Variants in FSTL5 observed in about 807,000 individuals in gnomAD.
The protein encoded by FSTL5 is follistatin-related protein 5.
FSTL5 carries 62 observed loss-of-function variants against 89.1 expected under a neutral mutation model. That is an observed-to-expected ratio of 0.70 (90% confidence interval 0.57 to 0.86). The LOEUF is 0.86. Among genes scored for constraint, FSTL5 ranks in the 40% least tolerant of loss-of-function variants. The pLI is 0.00. For missense variants in FSTL5, 1,057 were observed against 1,001.6 expected (o/e 1.06, Z -0.75); for synonymous variants, 383 against 346.2 (o/e 1.11, Z -1.18).
intron 15 of FSTL5, among the ~76,000 whole-genome samples, chr4:161,388,949 T>C (rs187572528): frequency 2.6e-4 from 40 of 152,242 alleles, no homozygotes; most frequent in African/African-American, 8.7e-4. Flanking sequence ...CAGTTAAAAA[T>C]GCAGAAGATC....
chr4:161,407,755 T>A (rs543306133), intron 15 of FSTL5, among the ~76,000 whole-genome samples: 100 of 127,830 alleles, frequency 7.8e-4, no homozygotes, highest in Non-Finnish European at 1.5e-3. Flanking sequence ...CAGGCCCACC[T>A]ACCCTACAGC....
intron 3 of FSTL5, among the ~76,000 whole-genome samples, chr4:161,995,153 G>T (rs1341536097): frequency 6.6e-6 from 1 of 152,068 alleles, no homozygotes; most frequent in Non-Finnish European, 1.5e-5. Context: ...TAGAATGCAA[G>T]TTTATGGAGG....
At chr4:162,074,268 G>A (rs994042390) in intron 2 of FSTL5, among the ~76,000 whole-genome samples, 11 of 151,504 alleles carry the variant, frequency 7.3e-5, no homozygotes, top group Non-Finnish European at 1.3e-4. Flanking sequence ...GTATAATCAT[G>A]GATATGCATT....
chr4:161,844,940 TA>T (rs1332649286), intron 4 of FSTL5, among the ~76,000 whole-genome samples: 1 of 151,322 alleles, frequency 6.6e-6, no homozygotes, highest in Admixed American at 6.6e-5. Flanking sequence ...ATAATAATAA[TA>T]AAAAAACTAC....
At chr4:161,647,798 G>C (rs989139889) in intron 7 of FSTL5, among the ~76,000 whole-genome samples, 5 of 152,074 alleles carry the variant, frequency 3.3e-5, no homozygotes, top group Non-Finnish European at 7.4e-5. Flanking sequence ...GTGAGGACAG[G>C]CATTTTTGTT....
chr4:161,640,596 A>C (rs1288060546), intron 7 of FSTL5, among the ~76,000 whole-genome samples: 1 of 152,196 alleles, frequency 6.6e-6, no homozygotes, highest in Non-Finnish European at 1.5e-5. Flanking sequence ...AACCTAAGAT[A>C]GTAGTAAATC....
At chr4:161,946,743 T>C (rs1578883001) in intron 3 of FSTL5, among the ~76,000 whole-genome samples, 1 of 152,192 alleles carries the variant, frequency 6.6e-6, no homozygotes, top group East Asian at 1.9e-4. Context: ...TATGTTCTCA[T>C]TATTCTTGTG....
chr4:161,769,259 T>C (rs1741125582), intron 5 of FSTL5, among the ~76,000 whole-genome samples: 2 of 151,882 alleles, frequency 1.3e-5, no homozygotes, highest in South Asian at 4.1e-4. Flanking sequence ...TTACTAAACA[T>C]TTAAAGAACT....
intron 6 of FSTL5, among the ~76,000 whole-genome samples, chr4:161,734,669 CA>C (rs1312684177): frequency 6.6e-6 from 1 of 152,030 alleles, no homozygotes; most frequent in African/African-American, 2.4e-5. Context: ...ACAAAATAAA[CA>C]AAAAACAAAA....
At chr4:162,071,937 A>C (rs1729641740) in intron 2 of FSTL5, among the ~76,000 whole-genome samples, 1 of 151,814 alleles carries the variant, frequency 6.6e-6, no homozygotes, top group Non-Finnish European at 1.5e-5. Context: ...AAAATAAAAA[A>C]TTCCTTAATA....
intron 2 of FSTL5, among the ~76,000 whole-genome samples, chr4:162,066,350 CT>C: frequency 1.5e-5 from 2 of 131,098 alleles, no homozygotes; most frequent in African/African-American, 6.0e-5. Context: ...TCTTCTTCTT[CT>C]TCTCCTTCTT....
chr4:161,886,765 A>T (rs1393815683), intron 4 of FSTL5, among the ~76,000 whole-genome samples: 1 of 152,194 alleles, frequency 6.6e-6, no homozygotes, highest in South Asian at 2.1e-4. Flanking sequence ...CTAGTGTTGT[A>T]TTCCTAATAC....
chr4:162,071,595 A>G (rs1471996210), intron 2 of FSTL5, among the ~76,000 whole-genome samples: 1 of 151,792 alleles, frequency 6.6e-6, no homozygotes, highest in African/African-American at 2.4e-5. Flanking sequence ...ATCTAGACAG[A>G]TAATCAGCAT....
At chr4:161,815,022 T>C (rs563576883) in intron 4 of FSTL5, among the ~76,000 whole-genome samples, 2 of 152,216 alleles carry the variant, frequency 1.3e-5, no homozygotes, top group East Asian at 3.9e-4. Flanking sequence ...CAGATACTCA[T>C]TGCCATCATG....
intron 1 of FSTL5, among the ~76,000 whole-genome samples, chr4:162,143,748 A>ACACACACACACAC (rs1363446909): frequency 4.1e-4 from 52 of 127,746 alleles, no homozygotes; most frequent in Middle Eastern, 3.9e-3. Flanking sequence ...ACACACACAC[A>ACACACACACACAC]CCCAGGAAAA....
intron 15 of FSTL5, among the ~76,000 whole-genome samples, chr4:161,415,179 T>C (rs770993168): frequency 6.6e-6 from 1 of 152,198 alleles, no homozygotes; most frequent in Non-Finnish European, 1.5e-5. Flanking sequence ...ATAAGATACA[T>C]AAATATATTT....
chr4:161,821,044 T>A (rs1330335124), intron 4 of FSTL5, among the ~76,000 whole-genome samples: 1 of 152,120 alleles, frequency 6.6e-6, no homozygotes, highest in Non-Finnish European at 1.5e-5. Context: ...TCTTTGTTTG[T>A]TTGTTTGTTT....
chr4:162,038,519 T>C (rs1314432209), intron 2 of FSTL5, among the ~76,000 whole-genome samples: 1 of 151,942 alleles, frequency 6.6e-6, no homozygotes, highest in East Asian at 1.9e-4. Flanking sequence ...ACAGTAGTTG[T>C]ACAAATGAGC....
chr4:161,461,271 C>G (rs1733563435), intron 13 of FSTL5, among the ~76,000 whole-genome samples: 1 of 139,454 alleles, frequency 7.2e-6, no homozygotes, highest in South Asian at 2.3e-4. Flanking sequence ...GGCGAAACCC[C>G]GTCTCTACTA....
Sources: gnomAD v4.1 joint callset for allele counts (sites outside exome capture counted in the v4.1 genomes callset) on GRCh38, gnomAD v4.1.1 for gene constraint, MANE v1.5 for transcripts, NCBI Gene and HGNC (gene_info 2026-07-23, HGNC 2026-07-21) for gene names.